Variants in PRKD1 observed in about 807,000 individuals in gnomAD.
The protein encoded by PRKD1 is serine/threonine-protein kinase D1.
In PRKD1, 63 loss-of-function variants were observed where a neutral mutation model predicts 95.9. The ratio of observed to expected loss-of-function variants is 0.66; its 90% CI spans 0.54 to 0.81. The LOEUF (loss-of-function observed/expected upper bound fraction) is 0.81. Ranked by LOEUF, PRKD1 falls within the 30% of genes least tolerant of loss-of-function variation. The pLI, the probability that PRKD1 is intolerant of heterozygous loss-of-function variation, is 0.00. For synonymous variants in PRKD1, 425 were observed against 423.1 expected (o/e 1.00, Z -0.05); for missense variants, 1,048 against 1,165.3 (o/e 0.90, Z 1.47).
At chr14:29,787,471 T>C (rs1329726266) in intron 1 of PRKD1, among the ~76,000 whole-genome samples, 1 of 152,096 alleles carries the variant, frequency 6.6e-6, no homozygotes, top group Non-Finnish European at 1.5e-5. Context: ...TCTATCTGTT[T>C]AGCTCTAATA....
rs137879230 is a variant in PRKD1 at position 29,745,892 on chromosome 14, C to T, written c.265-20218G>A. Among the ~76,000 whole-genome samples, 639 of 152,294 alleles carry T rather than the reference C, an allele frequency of 4.2e-3. 21 individuals carry two copies. Among genetic ancestry groups the T allele is most frequent in the Admixed American group, 0.037 (572 of 15,284 alleles). The stretch of plus-strand genomic sequence containing the variant: ...TTTTAAGAAAATGGTATCTAACTAT[C>T]TATAGGTTTGAACAGATTATCTCTC... On this transcript the variant is annotated intron_variant, in intron 1 of 17. Coordinates refer to ENST00000331968, the MANE Select transcript of PRKD1 (RefSeq NM_002742.3).
intron 1 of PRKD1, among the ~76,000 whole-genome samples, chr14:29,828,894 C>T (rs780111107): frequency 6.6e-6 from 1 of 152,184 alleles, no homozygotes; most frequent in Non-Finnish European, 1.5e-5. Flanking sequence ...CGATAGAATG[C>T]AGTGGAAATA....
In PRKD1 at chr14:29,900,571, A is replaced by G. The variant is rs567549802; in HGVS notation, c.264+26678T>C. On this transcript the variant is annotated intron_variant, in intron 1 of 17. Transcript: ENST00000331968. ...GACAGCCTACAGAATGGGAGAAAAT[A>G]TTTACAAACTATGCATCTGACAAAG... 3.9e-5 allele frequency among the ~76,000 whole-genome samples: 6 copies of G among 152,314 alleles called. No homozygotes were observed. In the East Asian group the frequency reaches 1.2e-3, roughly 29 times the overall value.
chr14:29,601,770 T>C (rs1394994827), intron 13 of PRKD1, among the ~76,000 whole-genome samples: 2 of 152,226 alleles, frequency 1.3e-5, no homozygotes, highest in Non-Finnish European at 2.9e-5. Flanking sequence ...TGTGATAGTA[T>C]TGTTCATACT....
At chr14:29,597,961 A>G (rs1359331022) in intron 15 of PRKD1, among the ~76,000 whole-genome samples, 1 of 152,166 alleles carries the variant, frequency 6.6e-6, no homozygotes, top group East Asian at 1.9e-4. Context: ...GTATGTTTTC[A>G]TTCATAAAAA....
intron 13 of PRKD1, among the ~76,000 whole-genome samples, chr14:29,608,720 A>G (rs190435818): frequency 6.6e-6 from 1 of 152,190 alleles, no homozygotes; most frequent in Admixed American, 6.5e-5. Flanking sequence ...AGGTCAATTA[A>G]GGGAAAGGCT....
At chr14:29,730,532 G>A (rs142150336) in intron 1 of PRKD1, among the ~76,000 whole-genome samples, 118 of 152,132 alleles carry the variant, frequency 7.8e-4, no homozygotes, top group African/African-American at 2.7e-3. Context: ...AGGAATATCC[G>A]GAGGAATTGA....
At chr14:29,616,386 C>T (rs1221981591) in intron 13 of PRKD1, among the ~76,000 whole-genome samples, 2 of 151,238 alleles carry the variant, frequency 1.3e-5, no homozygotes, top group East Asian at 3.9e-4. Flanking sequence ...AGAGATTTGA[C>T]TATAGCTATG....
chr14:29,749,355 G>A (rs1887373898), intron 1 of PRKD1, among the ~76,000 whole-genome samples: 1 of 152,186 alleles, frequency 6.6e-6, no homozygotes, highest in South Asian at 2.1e-4. Flanking sequence ...AGAACCCCAG[G>A]ATAGAAGTTT....
chr14:29,737,602 A>G (rs1886791329), intron 1 of PRKD1, among the ~76,000 whole-genome samples: 1 of 152,186 alleles, frequency 6.6e-6, no homozygotes. Flanking sequence ...TAGCCAAAAC[A>G]CAACCTAAGT....
chr14:29,680,540 T>C (rs1883483154), intron 2 of PRKD1, among the ~76,000 whole-genome samples: 1 of 152,210 alleles, frequency 6.6e-6, no homozygotes, highest in South Asian at 2.1e-4. Flanking sequence ...ATCTTGCCTC[T>C]TTGTTTATTG....
intron 1 of PRKD1, among the ~76,000 whole-genome samples, chr14:29,782,864 A>G (rs1284850576): frequency 1.3e-5 from 2 of 152,188 alleles, no homozygotes; most frequent in Non-Finnish European, 2.9e-5. Flanking sequence ...TTTACTGCAC[A>G]TATCTGATGC....
intron 13 of PRKD1, among the ~76,000 whole-genome samples, chr14:29,616,794 T>G (rs1343634456): frequency 6.6e-6 from 1 of 152,136 alleles, no homozygotes; most frequent in African/African-American, 2.4e-5. Flanking sequence ...TTTCACACCT[T>G]TTTAAAATAT....
intron 1 of PRKD1, among the ~76,000 whole-genome samples, chr14:29,791,613 T>C (rs1156402701): frequency 1.3e-5 from 2 of 152,196 alleles, no homozygotes; most frequent in Non-Finnish European, 2.9e-5. Flanking sequence ...TCAGCATAAT[T>C]ATTTTCAGAT....
intron 1 of PRKD1, among the ~76,000 whole-genome samples, chr14:29,913,605 C>T (rs753836708): frequency 6.6e-6 from 1 of 152,146 alleles, no homozygotes; most frequent in Non-Finnish European, 1.5e-5. Context: ...TGTATGGAAG[C>T]CACTGGGTTT....
chr14:29,796,236 T>A (rs1211224587), intron 1 of PRKD1, among the ~76,000 whole-genome samples: 2 of 152,114 alleles, frequency 1.3e-5, no homozygotes, highest in African/African-American at 2.4e-5. Context: ...CTGAATGGAG[T>A]GATTCTAGTT....
intron 1 of PRKD1, among the ~76,000 whole-genome samples, chr14:29,812,573 G>A (rs1219312682): frequency 6.6e-6 from 1 of 152,212 alleles, no homozygotes; most frequent in East Asian, 1.9e-4. Flanking sequence ...GGTGGAAGGT[G>A]AAGGGGAAGC....
intron 2 of PRKD1, among the ~76,000 whole-genome samples, chr14:29,724,359 C>T (rs2139391238): frequency 6.6e-6 from 1 of 152,292 alleles, no homozygotes; most frequent in Non-Finnish European, 1.5e-5. Flanking sequence ...TGATCCAGTG[C>T]ATGATTTCCC....
At chr14:29,794,479 G>A (rs2139201981) in intron 1 of PRKD1, among the ~76,000 whole-genome samples, 1 of 151,978 alleles carries the variant, frequency 6.6e-6, no homozygotes, top group Non-Finnish European at 1.5e-5. Flanking sequence ...TAAATAAAAT[G>A]TTGTACAGTG....
Sources: gnomAD v4.1 joint callset for allele counts (sites outside exome capture counted in the v4.1 genomes callset) on GRCh38, gnomAD v4.1.1 for gene constraint, MANE v1.5 for transcripts, NCBI Gene and HGNC (gene_info 2026-07-23, HGNC 2026-07-21) for gene names.